Variants in RGL1 observed in about 807,000 individuals in gnomAD.
RGL1 encodes the protein ral guanine nucleotide dissociation stimulator like 1, also known as ral guanine nucleotide dissociation stimulator-like 1.
A neutral mutation model predicts 95.2 loss-of-function variants in RGL1; 24 were observed. The ratio of observed to expected loss-of-function variants is 0.25; its 90% CI spans 0.18 to 0.35. The LOEUF is 0.35. Ranked by LOEUF, RGL1 falls within the 10% of genes least tolerant of loss-of-function variation. The pLI is 1.00. For synonymous variants in RGL1, 329 were observed against 344.9 expected, an observed-to-expected ratio of 0.95 and a Z score of 0.51; for missense variants, 715 against 936.3, an observed-to-expected ratio of 0.76 and a Z score of 3.08.
chr1:183,653,335 C>G (rs1183815364), intron 1 of RGL1: 1 of 152,222 alleles, frequency 6.6e-6, no homozygotes, highest in Non-Finnish European at 1.5e-5. Flanking sequence ...GCCATGGTAA[C>G]GTTTGCAAAG....
At chr1:183,764,991 A>G (rs1658891193) in intron 2 of RGL1, among the ~76,000 whole-genome samples, 1 of 152,154 alleles carries the variant, frequency 6.6e-6, no homozygotes, top group South Asian at 2.1e-4. Flanking sequence ...AGGCCTCTCA[A>G]GCCTAGCCAA....
chr1:183,668,711 T>C (rs1652216729), intron 1 of RGL1, among the ~76,000 whole-genome samples: 1 of 152,106 alleles, frequency 6.6e-6, no homozygotes, highest in African/African-American at 2.4e-5. Flanking sequence ...TGCTTGGTGT[T>C]CTCTGAGCTT....
chr1:183,715,957 G>A (rs1192843320), intron 1 of RGL1, among the ~76,000 whole-genome samples: 5 of 152,178 alleles, frequency 3.3e-5, no homozygotes, highest in African/African-American at 1.2e-4. Flanking sequence ...AGTCTGAGGA[G>A]AGGACTGAAG....
At chr1:183,870,216 T>A (rs1193884499) in intron 4 of RGL1, among the ~76,000 whole-genome samples, 1 of 152,112 alleles carries the variant, frequency 6.6e-6, no homozygotes, top group African/African-American at 2.4e-5. Flanking sequence ...AAACAGGAAG[T>A]GTCCCAGTCT....
At chr1:183,902,745 C>T in intron 12 of RGL1, 145 bp downstream of exon 12, 2 of 666,058 alleles carry the variant, frequency 3.0e-6, no homozygotes, top group South Asian at 4.4e-5. Flanking sequence ...TTGGCATTCT[C>T]CTATACATTA....
intron 1 of RGL1, among the ~76,000 whole-genome samples, chr1:183,659,271 G>A (rs572775062): frequency 6.6e-6 from 1 of 152,162 alleles, no homozygotes; most frequent in African/African-American, 2.4e-5. Context: ...GCTACAGGAG[G>A]AAATTCAAAC....
chr1:183,730,156 A>T (rs1341541259), intron 1 of RGL1, among the ~76,000 whole-genome samples: 1 of 152,142 alleles, frequency 6.6e-6, no homozygotes, highest in East Asian at 1.9e-4. Context: ...GCTGTTTTTG[A>T]GGGGCAACAT....
At chr1:183,759,684 A>G (rs1310445518) in intron 2 of RGL1, among the ~76,000 whole-genome samples, 1 of 152,244 alleles carries the variant, frequency 6.6e-6, no homozygotes, top group Non-Finnish European at 1.5e-5. Flanking sequence ...CTCCAGCTCC[A>G]GTTTGTCAAC....
intron 1 of RGL1, among the ~76,000 whole-genome samples, chr1:183,686,299 A>G (rs1653579713): frequency 6.6e-6 from 1 of 152,164 alleles, no homozygotes; most frequent in South Asian, 2.1e-4. Flanking sequence ...CACCATTTAC[A>G]GTCTGGTGTA....
intron 17 of RGL1, among the ~76,000 whole-genome samples, chr1:183,923,656 C>T (rs1669444829): frequency 6.6e-6 from 1 of 152,126 alleles, no homozygotes; most frequent in African/African-American, 2.4e-5. Flanking sequence ...CCTGCTGGTT[C>T]CTCATATATC....
At chr1:183,891,926 A>T in intron 8 of RGL1, 151 bp from the exon 9 acceptor site, 1 of 532,972 alleles carries the variant, frequency 1.9e-6, no homozygotes, top group Non-Finnish European at 3.3e-6. Flanking sequence ...CATAAAAAAA[A>T]ATCATGGGCC....
intron 8 of RGL1, among the ~76,000 whole-genome samples, chr1:183,889,864 CA>C (rs1667317643): frequency 6.6e-6 from 1 of 152,216 alleles, no homozygotes; most frequent in East Asian, 1.9e-4. Context: ...TTTCAAAGAC[CA>C]ATGCAATTTT....
intron 15 of RGL1, among the ~76,000 whole-genome samples, chr1:183,914,546 G>A (rs923700997): frequency 1.1e-4 from 16 of 152,234 alleles, no homozygotes; most frequent in African/African-American, 2.9e-4. Context: ...TGTGACAGCC[G>A]CCTTCTCCAA....
intron 8 of RGL1, among the ~76,000 whole-genome samples, chr1:183,890,314 CA>C (rs1228528138): frequency 6.6e-6 from 1 of 151,664 alleles, no homozygotes; most frequent in South Asian, 2.1e-4. Context: ...AAAACATGAG[CA>C]AAAAAAATTA....
chr1:183,694,913 A>C (rs936609110), intron 1 of RGL1, among the ~76,000 whole-genome samples: 5 of 152,384 alleles, frequency 3.3e-5, no homozygotes, highest in African/African-American at 1.2e-4. Flanking sequence ...CTCAGCTTGC[A>C]GTCTGGCTGA....
intron 4 of RGL1, among the ~76,000 whole-genome samples, chr1:183,868,868 C>T (rs1159251776): frequency 6.6e-6 from 1 of 152,202 alleles, no homozygotes; most frequent in Non-Finnish European, 1.5e-5. Context: ...GTAATCCCAA[C>T]ACTTTGGGAA....
At position 183,912,113 on chromosome 1, in the gene RGL1, C is replaced by T. The variant is rs745474593; in HGVS notation, c.1594C>T (p.Pro532Ser). 12 of 1,614,032 alleles carry T rather than the reference C, an allele frequency of 7.4e-6. No homozygotes were observed. The East Asian group carries it at 2.0e-4, about 27-fold the overall frequency. ...TCTAGGGTCTGACATGATCACCAGT[C>T]CCACTCCCACCAAAGAGCAGCCCAA... Reference protein sequence around the residue: ...LFLGSDMITSPTPTKEQPKST... With the variant: ...LFLGSDMITSSTPTKEQPKST... The change falls in exon 15 of 18, where the codon CCC becomes TCC. Residue 532 changes from proline to serine, a missense_variant. By Grantham distance (74) the Pro-to-Ser change is moderately conservative (BLOSUM62 -1). Coordinates refer to ENST00000360851, the MANE Select transcript of RGL1 (RefSeq NM_001297671.3).
chr1:183,757,021 G>T (rs76147362), intron 2 of RGL1, among the ~76,000 whole-genome samples: 2,655 of 77,048 alleles, frequency 0.034, 74 homozygotes, highest in East Asian at 0.16. Context: ...TGGTTTGTTT[G>T]TTTTTTTTTT....
chr1:183,658,349 C>T lies in RGL1; in HGVS notation c.-33+21848C>T, dbSNP rs1034358963. ...GGGCACCTGGAAAATCAGGTCACTCCCACCCCAATACAGCACTTTTCCAAC... is the reference window on the plus strand; with the variant it reads ...GGGCACCTGGAAAATCAGGTCACTCTCACCCCAATACAGCACTTTTCCAAC... On this transcript the variant is annotated intron_variant, in intron 1 of 18. Transcript: ENST00000304685. Among the ~76,000 whole-genome samples, 66 of 152,194 alleles carry T rather than the reference C, an allele frequency of 4.3e-4. 1 individual carries two copies. The highest frequency in any genetic ancestry group is 2.2e-3 in the Admixed American group (33 of 15,286).
Sources: gnomAD v4.1 joint callset for allele counts (sites outside exome capture counted in the v4.1 genomes callset) on GRCh38, gnomAD v4.1.1 for gene constraint, MANE v1.5 for transcripts, NCBI Gene and HGNC (gene_info 2026-07-23, HGNC 2026-07-21) for gene names.